Variants in EPHX1 observed in about 807,000 individuals in gnomAD.
The protein encoded by EPHX1 is epoxide hydrolase 1, also known as epoxide hydratase.
EPHX1 carries 40 observed loss-of-function variants against 43.2 expected under a neutral mutation model. That is an observed-to-expected ratio of 0.93 (90% CI 0.72 to 1.21). EPHX1 has a LOEUF of 1.21. Among genes scored for constraint, EPHX1 ranks in the 50% most tolerant of loss-of-function variants. The pLI, the probability that EPHX1 is intolerant of heterozygous loss-of-function variation, is 0.00. For synonymous variants in EPHX1, 221 were observed against 226.7 expected, an observed-to-expected ratio of 0.98 and a Z score of 0.22; for missense variants, 550 against 570.4, an observed-to-expected ratio of 0.96 and a Z score of 0.36.
At chr1:225,841,397 C>T (rs1668399549) in intron 6 of EPHX1, among the ~76,000 whole-genome samples, 1 of 151,920 alleles carries the variant, frequency 6.6e-6, no homozygotes, top group Admixed American at 6.6e-5. Flanking sequence ...ATTCTCCTGC[C>T]TCAGCCTCCC....
At chr1:225,839,196 G>T in intron 4 of EPHX1, 21 bp from the exon 5 acceptor site, 1 of 1,613,928 alleles carries the variant, frequency 6.2e-7, no homozygotes. Context: ...GTGACTCCAT[G>T]CCTTTCCCCA....
intron 3 of EPHX1, 71 bp from the exon 4 acceptor site, chr1:225,838,582 TG>T (rs35305823): frequency 2.9e-6 from 4 of 1,372,746 alleles, no homozygotes; most frequent in East Asian, 2.3e-5. Flanking sequence ...ATCTAGGCTC[TG>T]GGGGGTGCCA....
chr1:225,838,491 G>A (rs1668087777), intron 3 of EPHX1, among the ~76,000 whole-genome samples, 163 bp from the exon 4 acceptor site: 1 of 152,112 alleles, frequency 6.6e-6, no homozygotes, highest in South Asian at 2.1e-4. Flanking sequence ...AGCACAGTGT[G>A]AGTGTGAAAC....
chr1:225,839,805 C>T (rs1434362007), intron 5 of EPHX1, 24 bp from the exon 6 acceptor site: 1 of 1,611,898 alleles, frequency 6.2e-7, no homozygotes, highest in Admixed American at 1.7e-5. Flanking sequence ...CCAGCCTCAC[C>T]CCGGCCCCTC....
intron 6 of EPHX1, among the ~76,000 whole-genome samples, chr1:225,840,593 C>T (rs1469228983): frequency 6.6e-6 from 1 of 152,252 alleles, no homozygotes; most frequent in Admixed American, 6.5e-5. Flanking sequence ...AGACACAAAA[C>T]TTGTCAACAT....
chr1:225,821,808 C>A (rs564406360), intron 1 of EPHX1, among the ~76,000 whole-genome samples: 7 of 147,160 alleles, frequency 4.8e-5, no homozygotes, highest in Non-Finnish European at 9.0e-5. Flanking sequence ...AGTAATCTAC[C>A]TGCGTTGGCC....
chr1:225,843,851 G>A (rs188801799), intron 7 of EPHX1, among the ~76,000 whole-genome samples: 27 of 152,346 alleles, frequency 1.8e-4, no homozygotes, highest in South Asian at 4.1e-4. Context: ...TCATTGACCA[G>A]TTTTCATTTT....
At position 225,842,438 on chromosome 1, in the gene EPHX1, C is replaced by G; in HGVS notation, c.1004C>G (p.Thr335Arg). The change falls in exon 7 of 9, where the codon ACG becomes AGG. Residue 335 changes from threonine (T) to arginine (R), a missense_variant. Physicochemically the swap from Thr to Arg is moderately conservative, Grantham distance 71. Transcript: ENST00000272167. Reference protein sequence around the residue: ...ILEKFSTWTNTEFRYLEDGGL... With the variant: ...ILEKFSTWTNREFRYLEDGGL... ...GAGAAGTTTTCCACCTGGACCAATA[C>G]GGAATTCCGATACCTGGAGGATGGA... The G allele has an allele frequency of 6.2e-7, 1 of 1,613,960 alleles. No individual in the cohort carries two copies.
intron 3 of EPHX1, among the ~76,000 whole-genome samples, chr1:225,834,097 CAAA>C (rs377164975): frequency 1.8e-5 from 1 of 56,938 alleles, no homozygotes; most frequent in Non-Finnish European, 3.0e-5. Context: ...GACTCTGTCT[CAAA>C]AAAAAAAAAA....
chr1:225,844,371 C>G (rs750345132), intron 7 of EPHX1, 127 bp from the exon 8 acceptor site: 16 of 1,431,250 alleles, frequency 1.1e-5, no homozygotes, highest in Non-Finnish European at 1.6e-5. Context: ...ATACCACACA[C>G]GTTGCATGAG....
chr1:225,830,034 C>T (rs1445142613), intron 2 of EPHX1, among the ~76,000 whole-genome samples: 2 of 152,112 alleles, frequency 1.3e-5, no homozygotes, highest in Non-Finnish European at 2.9e-5. Context: ...GCCAAGATCA[C>T]ACCACTGCAC....
chr1:225,845,111 C>T (rs773194228), intron 8 of EPHX1, 35 bp from the exon 9 acceptor site: 9 of 1,609,578 alleles, frequency 5.6e-6, no homozygotes, highest in Admixed American at 3.3e-5. Flanking sequence ...CGCAGGGCCA[C>T]AGCCTCACCC....
chr1:225,837,552 C>T (rs1432180751), intron 3 of EPHX1, among the ~76,000 whole-genome samples: 1 of 152,214 alleles, frequency 6.6e-6, no homozygotes, highest in Admixed American at 6.5e-5. Flanking sequence ...GAGTCTTGCT[C>T]TGTTGCCCAG....
At chr1:225,812,311 A>G (rs992306328) in intron 1 of EPHX1, among the ~76,000 whole-genome samples, 2 of 152,230 alleles carry the variant, frequency 1.3e-5, no homozygotes, top group African/African-American at 4.8e-5. Context: ...CCTCAGCACC[A>G]TCTGTGACAA....
chr1:225,828,565 TATATATATATATA>T (rs1407770645), intron 1 of EPHX1, among the ~76,000 whole-genome samples, 147 bp from the exon 2 acceptor site: 1 of 146,462 alleles, frequency 6.8e-6, no homozygotes, highest in African/African-American at 2.5e-5. Context: ...ATAGTGTGTG[TATATATATATATA>T]ATATGTATAT....
At chr1:225,839,478 C>A in intron 5 of EPHX1, 132 bp downstream of exon 5, 3 of 1,502,052 alleles carry the variant, frequency 2.0e-6, no homozygotes, top group Non-Finnish European at 8.9e-7. Flanking sequence ...ACCTGTCACT[C>A]AGCAGTGCCT....
At chr1:225,813,639 G>A (rs1666587535) in intron 1 of EPHX1, among the ~76,000 whole-genome samples, 1 of 152,232 alleles carries the variant, frequency 6.6e-6, no homozygotes, top group African/African-American at 2.4e-5. Context: ...TTTCCCAGGG[G>A]AAGTCATAGT....
chr1:225,826,447 C>CA (rs374232833), intron 1 of EPHX1, among the ~76,000 whole-genome samples: 25,812 of 83,528 alleles, frequency 0.31, 4,028 homozygotes, highest in African/African-American at 0.34. Context: ...GACTCTGTCT[C>CA]AAAAAAAAAA....
At chr1:225,824,211 A>G (rs538512565) in intron 1 of EPHX1, among the ~76,000 whole-genome samples, 1 of 150,436 alleles carries the variant, frequency 6.6e-6, no homozygotes, top group South Asian at 2.1e-4. Context: ...GTTGTTTCTT[A>G]TTATTACATT....
Sources: allele counts gnomAD v4.1 joint callset (sites outside exome capture counted in the v4.1 genomes callset), GRCh38; gene constraint gnomAD v4.1.1; transcripts MANE v1.5; gene names NCBI Gene and HGNC (gene_info 2026-07-23, HGNC 2026-07-21).